The following ACTL7B variants were observed in gnomAD, a reference collection of about 807,000 sequenced individuals.
ACTL7B encodes actin like 7B.
In ACTL7B, 14 loss-of-function variants were observed where a neutral mutation model predicts 17.5. That is an observed-to-expected ratio of 0.80 (90% CI 0.53 to 1.25). ACTL7B has a LOEUF of 1.25. Among genes scored for constraint, ACTL7B ranks in the 50% most tolerant of loss-of-function variants. The pLI is 0.00. For synonymous variants in ACTL7B, 267 were observed against 252.4 expected (o/e 1.06, Z -0.55); for missense variants, 599 against 573.9 (o/e 1.04, Z -0.45).
Position 108,855,549 on chromosome 9 carries a change from C to G in ACTL7B, c.382G>C (p.Asp128His), listed in dbSNP as rs1399182533. The G allele has an allele frequency of 6.2e-7, 1 of 1,613,736 alleles. No individual in the cohort carries two copies. Among genetic ancestry groups the G allele is most frequent in the Non-Finnish European group, 8.5e-7 (1 of 1,180,042 alleles). ...GTGCGGAAGATGTACTCCCAGATGT[C>G]CTGCACGCAGTCCCAGTCCACCACG... ...GIVVDWDCVQ[D>H]IWEYIFRTAM... is the part of the protein sequence containing the mutation. Residue 128 changes from aspartate (D) to histidine (H), a missense_variant, in exon 1 of 1, where the codon GAC becomes CAC. By Grantham distance (81) the Asp-to-His change is moderately conservative (BLOSUM62 -1). Coordinates refer to ENST00000374667, the MANE Select transcript of ACTL7B (RefSeq NM_006686.4).
In ACTL7B at chr9:108,855,096, C is replaced by A. The variant is rs756817360; in HGVS notation, c.835G>T (p.Val279Leu). Residue 279 changes from valine to leucine, a missense_variant, in exon 1 of 1, where the codon GTG becomes TTG. Physicochemically the swap from Val to Leu is conservative, Grantham distance 32. Transcript: ENST00000374667. ...ELGLVPEELR[V>L]DYELPDGKLI... is the part of the protein sequence containing the mutation. ...TTGCCGTCCGGGAGCTCGTAGTCCA[C>A]GCGCAGCTCCTCCGGGACCAGGCCC... The A allele has an allele frequency of 1.3e-6, 2 of 1,594,934 alleles. No individual in the cohort carries two copies. Among genetic ancestry groups the A allele is most frequent in the Non-Finnish European group, 1.7e-6 (2 of 1,171,600 alleles).
In ACTL7B at chr9:108,855,694, C is replaced by T; in HGVS notation, c.237G>A (p.Val79=). ...CGGCCGCCTCGGGGCAGCGTTTGCC[C>T]ACGGTGGAGGAGATGAAGTAGGTGG... ...PRPTYFISST[V]GKRCPEAADA... is the part of the protein sequence containing the mutation. Residue 79 remains valine, a synonymous_variant, in exon 1 of 1, where the codon GTG becomes GTA. Transcript: ENST00000374667. 1 of 1,611,338 alleles carries T rather than the reference C, an allele frequency of 6.2e-7. No homozygotes were observed. Among genetic ancestry groups the T allele is most frequent in the Non-Finnish European group, 8.5e-7 (1 of 1,179,996 alleles).
In ACTL7B at chr9:108,855,501, C is replaced by G. The variant is rs1293339851; in HGVS notation, c.430G>C (p.Glu144Gln). Reference sequence around the variant, plus strand: ...GGGTCGGAGACCAGCACAGCGTGCTCCTCGGGGAGGATCTTCATGGCGGTG... The same window carrying G: ...GGGTCGGAGACCAGCACAGCGTGCTGCTCGGGGAGGATCTTCATGGCGGTG... ...FRTAMKILPE[E>Q]HAVLVSDPPL... Residue 144 changes from glutamate to glutamine, a missense_variant, in exon 1 of 1, where the codon GAG becomes CAG. Physicochemically the swap from Glu to Gln is conservative, Grantham distance 29. Transcript: ENST00000374667. 2 of 1,613,432 alleles carry G rather than the reference C, an allele frequency of 1.2e-6. No individual in the cohort carries two copies. The highest frequency in any genetic ancestry group is 1.7e-6 in the Non-Finnish European group (2 of 1,180,048).
chr9:108,854,836 C>A lies in ACTL7B; in HGVS notation c.1095G>T (p.Gly365=). 2 of 1,592,044 alleles carry A rather than the reference C, an allele frequency of 1.3e-6. No homozygotes were observed. The highest frequency in any genetic ancestry group is 1.7e-6 in the Non-Finnish European group (2 of 1,168,174). The part of the protein sequence containing the change: ...FQRELSLLCP[G]DSPAVAAAPE... ...GAGCGGCAGCCACTGCAGGGCTGTCCCCGGGGCAGAGGAGGCTCAGCTCCC... is the reference window on the plus strand; with the variant it reads ...GAGCGGCAGCCACTGCAGGGCTGTCACCGGGGCAGAGGAGGCTCAGCTCCC... Residue 365 remains glycine, a synonymous_variant, in exon 1 of 1, where the codon GGG becomes GGT. Transcript: ENST00000374667.
In ACTL7B at chr9:108,854,966, C is replaced by G; in HGVS notation, c.965G>C (p.Cys322Ser). Residue 322 changes from cysteine to serine, a missense_variant, in exon 1 of 1, where the codon TGC becomes TCC. Physicochemically the swap from Cys to Ser is moderately radical, Grantham distance 112. Coordinates refer to ENST00000374667, the MANE Select transcript of ACTL7B (RefSeq NM_006686.4). Reference sequence around the variant, plus strand: ...GCCCGTGTCCTGGCAGCGGCCCAGGCAGGCAGCTGTGAGCTCCGGGAGGCC... The same window carrying G: ...GCCCGTGTCCTGGCAGCGGCCCAGGGAGGCAGCTGTGAGCTCCGGGAGGCC... ...QPGLPELTAA[C>S]LGRCQDTGFK... 6.6e-7 allele frequency: 1 copy of G among 1,517,330 alleles called. No homozygotes were observed. Among genetic ancestry groups the G allele is most frequent in the Non-Finnish European group, 8.8e-7 (1 of 1,133,190 alleles). 94.0% of individuals were successfully genotyped at this position (1,517,330 alleles called of 1,614,324 possible). A position where few individuals can be genotyped will look rare whatever the true frequency, so the allele number is the denominator to read the frequency against.
At position 108,854,781 on chromosome 9, in the gene ACTL7B, C is replaced by A; in HGVS notation, c.1150G>T (p.Gly384Cys). Reference protein sequence around the residue: ...PERKTSVWTGGSILASLQAFQ... With the variant: ...PERKTSVWTGCSILASLQAFQ... The stretch of plus-strand genomic sequence containing the variant: ...GCCTGCAGGGAGGCCAGGATGGAAC[C>A]GCCGGTCCACACGGAGGTCTTCCTC... The change falls in exon 1 of 1, where the codon GGT becomes TGT. Residue 384 changes from glycine to cysteine, a missense_variant. By Grantham distance (159) the Gly-to-Cys change is radical. Transcript: ENST00000374667. The A allele has an allele frequency of 6.2e-7, 1 of 1,602,022 alleles. No individual in the cohort carries two copies. Among genetic ancestry groups the A allele is most frequent in the Non-Finnish European group, 8.5e-7 (1 of 1,173,536 alleles).
chr9:108,855,126 C>T lies in ACTL7B; in HGVS notation c.805G>A (p.Glu269Lys). 1.2e-6 allele frequency: 2 copies of T among 1,609,392 alleles called. No homozygotes were observed. The highest frequency in any genetic ancestry group is 1.7e-6 in the Non-Finnish European group (2 of 1,178,042). Residue 269 changes from glutamate (E) to lysine (K), a missense_variant, in exon 1 of 1, where the codon GAG (glutamate) becomes AAG (lysine). Transcript: ENST00000374667. ...CCYAAFLPEE[E>K]LGLVPEELRV... Reference sequence around the variant, plus strand: ...AGCTCCTCCGGGACCAGGCCCAGCTCCTCCTCGGGCAGGAAGGCCGCATAG... The same window carrying T: ...AGCTCCTCCGGGACCAGGCCCAGCTTCTCCTCGGGCAGGAAGGCCGCATAG...
rs114143830 is a variant in ACTL7B, at chr9:108,854,894, G to C, written c.1037C>G (p.Thr346Ser). The C allele has an allele frequency of 2.2e-3, 3,311 of 1,521,826 alleles. 38 individuals are homozygous for C. Among genetic ancestry groups the C allele is most frequent in the Middle Eastern group, 0.017 (95 of 5,634 alleles). 94.3% of individuals were successfully genotyped at this position (1,521,826 alleles called of 1,614,324 possible). ...GCGCTCGGGGAAGCCATCCAGCATA[G>C]TGCAGCCGCCACACAGTAGCACGTT... ...AANVLLCGGC[T>S]MLDGFPERFQ... The change falls in exon 1 of 1, where the codon ACT becomes AGT. Residue 346 changes from threonine to serine, a missense_variant. Thr to Ser is a moderately conservative substitution (Grantham distance 58). Coordinates refer to ENST00000374667, the MANE Select transcript of ACTL7B (RefSeq NM_006686.4).
Position 108,855,620 on chromosome 9 carries a change from T to C in ACTL7B, c.311A>G (p.Asn104Ser), listed in dbSNP as rs1469401543. ...CACCAGCTTGAGAGGCGCCTCCGTGTTGAGCAGCTCATGGCCCACTAAAGT... is the reference window on the plus strand; with the variant it reads ...CACCAGCTTGAGAGGCGCCTCCGTGCTGAGCAGCTCATGGCCCACTAAAGT... ...KWTLVGHELL[N>S]TEAPLKLVNP... The change falls in exon 1 of 1, where the codon AAC becomes AGC. Residue 104 changes from asparagine (N) to serine (S), a missense_variant. Physicochemically the swap from Asn to Ser is conservative, Grantham distance 46 (BLOSUM62 1). Coordinates refer to ENST00000374667, the MANE Select transcript of ACTL7B (RefSeq NM_006686.4). 1.9e-6 allele frequency: 3 copies of C among 1,613,834 alleles called. No homozygotes were observed. The highest frequency in any genetic ancestry group is 2.7e-5 in the African/African-American group (2 of 75,076).
At position 108,855,957 on chromosome 9, in the gene ACTL7B, T is replaced by G. The variant is rs1827096996; in HGVS notation, c.-27A>C. 6.5e-7 allele frequency: 1 copy of G among 1,546,786 alleles called. No homozygotes were observed. The highest frequency in any genetic ancestry group is 1.4e-5 in the African/African-American group (1 of 72,856). On this transcript the variant is annotated 5_prime_UTR_variant, in exon 1 of 1. An upstream start codon of the reference 5' UTR is lost. Coordinates refer to ENST00000374667, the MANE Select transcript of ACTL7B (RefSeq NM_006686.4). ...TGCCTCCCTTGCTCCCCTTCTCACA[T>G]CCACAGCCTAGAGCCCCCTGGGGAG...
At position 108,855,646 on chromosome 9, in the gene ACTL7B, C is replaced by A. The variant is rs1827090772; in HGVS notation, c.285G>T (p.Trp95Cys). Residue 95 changes from tryptophan (W) to cysteine (C), a missense_variant, in exon 1 of 1, where the codon TGG becomes TGT. Coordinates refer to ENST00000374667, the MANE Select transcript of ACTL7B (RefSeq NM_006686.4). ...TGAGCAGCTCATGGCCCACTAAAGTCCACTTGCGGGTGTCGCCAGCGTCGG... is the reference window on the plus strand; with the variant it reads ...TGAGCAGCTCATGGCCCACTAAAGTACACTTGCGGGTGTCGCCAGCGTCGG... ...EAADAGDTRK[W>C]TLVGHELLNT... 6.2e-7 allele frequency: 1 copy of A among 1,613,590 alleles called. No homozygotes were observed. The highest frequency in any genetic ancestry group is 1.3e-5 in the African/African-American group (1 of 75,074).
In ACTL7B at chr9:108,855,107, T is replaced by G; in HGVS notation, c.824A>C (p.Glu275Ala). The G allele has an allele frequency of 6.2e-7, 1 of 1,603,514 alleles. No individual in the cohort carries two copies. The highest frequency in any genetic ancestry group is 8.5e-7 in the Non-Finnish European group (1 of 1,175,272). Residue 275 changes from glutamate (E) to alanine (A), a missense_variant, in exon 1 of 1, where the codon GAG becomes GCG. Coordinates refer to ENST00000374667, the MANE Select transcript of ACTL7B (RefSeq NM_006686.4). ...LPEEELGLVPEELRVDYELPD... is the reference protein window; with the variant it reads ...LPEEELGLVPAELRVDYELPD... ...GAGCTCGTAGTCCACGCGCAGCTCC[T>G]CCGGGACCAGGCCCAGCTCCTCCTC...
rs1315504770 is a variant in ACTL7B at position 108,854,645 on chromosome 9, A to C, written c.*38T>G. On this transcript the variant is annotated 3_prime_UTR_variant, in exon 1 of 1. Transcript: ENST00000374667. The stretch of plus-strand genomic sequence containing the variant: ...AATGTGTATAGAGAGGCCTGTGGCC[A>C]TCTGTGCTGGAGGCCTTGTCTGTGG... 4.2e-6 allele frequency: 6 copies of C among 1,443,872 alleles called. No individual in the cohort carries two copies. The South Asian group carries it at 1.0e-4, about 24-fold the overall frequency. 89.4% of individuals were successfully genotyped at this position (1,443,872 alleles called of 1,614,324 possible).
chr9:108,855,416 C>T lies in ACTL7B; in HGVS notation c.515G>A (p.Gly172Asp). The change falls in exon 1 of 1, where the codon GGC (glycine) becomes GAC (aspartate). Residue 172 changes from glycine (G) to aspartate (D), a missense_variant. By Grantham distance (94) the Gly-to-Asp change is moderately conservative. Coordinates refer to ENST00000374667, the MANE Select transcript of ACTL7B (RefSeq NM_006686.4). ...KYAELMFETFGIPAMHVTSQS... is the reference protein window; with the variant it reads ...KYAELMFETFDIPAMHVTSQS... ...GGACGTCACGTGCATGGCTGGGATG[C>T]CGAAGGTCTCAAACATGAGCTCCGC... 1.9e-6 allele frequency: 3 copies of T among 1,613,250 alleles called. No homozygotes were observed. The highest frequency in any genetic ancestry group is 3.3e-4 in the Middle Eastern group (2 of 6,062).
Position 108,855,107 on chromosome 9 carries a change from T to C in ACTL7B, c.824A>G (p.Glu275Gly), listed in dbSNP as rs1208899778. ...LPEEELGLVP[E>G]ELRVDYELPD... ...GAGCTCGTAGTCCACGCGCAGCTCC[T>C]CCGGGACCAGGCCCAGCTCCTCCTC... The change falls in exon 1 of 1, where the codon GAG becomes GGG. Residue 275 changes from glutamate to glycine, a missense_variant. Transcript: ENST00000374667. The C allele has an allele frequency of 6.2e-7, 1 of 1,603,514 alleles. No homozygotes were observed. The highest frequency in any genetic ancestry group is 2.2e-5 in the East Asian group (1 of 44,834).
In ACTL7B at chr9:108,855,844, G is replaced by C. The variant is rs987773194; in HGVS notation, c.87C>G (p.Ser29Arg). The C allele has an allele frequency of 1.9e-6, 3 of 1,611,334 alleles. No homozygotes were observed. Among genetic ancestry groups the C allele is most frequent in the Non-Finnish European group, 2.5e-6 (3 of 1,179,962 alleles). The change falls in exon 1 of 1, where the codon AGC becomes AGG. Residue 29 changes from serine (S) to arginine (R), a missense_variant. Transcript: ENST00000374667. ...EAGTRPGPDA[S>R]LRDTGAATQL... ...GAGTGGCCGCACCTGTGTCCCGGAG[G>C]CTGGCGTCAGGGCCGGGCCGTGTTC...
rs116411698 is a variant in ACTL7B at position 108,855,859 on chromosome 9, G to A, written c.72C>T (p.Pro24=). 8.7e-6 allele frequency: 14 copies of A among 1,611,004 alleles called. No homozygotes were observed. The highest frequency in any genetic ancestry group is 1.7e-4 in the Middle Eastern group (1 of 6,046). ...QGDPGEAGTR[P]GPDASLRDTG... is the part of the protein sequence containing the mutation. Reference sequence around the variant, plus strand: ...TGTCCCGGAGGCTGGCGTCAGGGCCGGGCCGTGTTCCTGCCTCTCCAGGGT... The same window carrying A: ...TGTCCCGGAGGCTGGCGTCAGGGCCAGGCCGTGTTCCTGCCTCTCCAGGGT... The change falls in exon 1 of 1, where the codon CCC becomes CCT. Residue 24 remains proline, a synonymous_variant. Transcript: ENST00000374667.
In ACTL7B at chr9:108,854,857, C is replaced by A; in HGVS notation, c.1074G>T (p.Glu358Asp). 1 of 1,564,336 alleles carries A rather than the reference C, an allele frequency of 6.4e-7. No individual in the cohort carries two copies. Among genetic ancestry groups the A allele is most frequent in the South Asian group, 1.2e-5 (1 of 83,886 alleles). Residue 358 changes from glutamate to aspartate, a missense_variant, in exon 1 of 1, where the codon GAG becomes GAT. By Grantham distance (45) the Glu-to-Asp change is conservative. Coordinates refer to ENST00000374667, the MANE Select transcript of ACTL7B (RefSeq NM_006686.4). ...TGTCCCCGGGGCAGAGGAGGCTCAG[C>A]TCCCTCTGGAAGCGCTCGGGGAAGC... The part of the protein sequence containing the change: ...LDGFPERFQR[E>D]LSLLCPGDSP...
In ACTL7B at chr9:108,854,714, C is replaced by T; in HGVS notation, c.1217G>A (p.Arg406Gln). The change falls in exon 1 of 1, where the codon CGG becomes CAG. Residue 406 changes from arginine to glutamine, a missense_variant. Transcript: ENST00000374667. ...CTTGCTGTAGATGGCCACGCTGCCC[C>T]GCTCCTCAAACTCTTCCTTGCTGAC... ...LWVSKEEFEE[R>Q]GSVAIYSKC The T allele has an allele frequency of 1.3e-5, 20 of 1,524,904 alleles. No homozygotes were observed. The highest frequency in any genetic ancestry group is 1.8e-5 in the Non-Finnish European group (20 of 1,135,464). 94.5% of individuals were successfully genotyped at this position (1,524,904 alleles called of 1,614,324 possible). A position where few individuals can be genotyped will look rare whatever the true frequency, so the allele number is the denominator to read the frequency against.
Sources: allele counts gnomAD v4.1 joint callset, GRCh38; gene constraint gnomAD v4.1.1; transcripts MANE v1.5; gene names NCBI Gene and HGNC (gene_info 2026-07-23, HGNC 2026-07-21).